Variants in LRP2 observed in about 807,000 individuals in gnomAD.
LRP2 encodes the protein low-density lipoprotein receptor-related protein 2.
LRP2 carries 172 observed loss-of-function variants against 531.0 expected under a neutral mutation model. The ratio of observed to expected loss-of-function variants is 0.32; its 90% CI spans 0.29 to 0.37. The LOEUF is 0.37. Ranked by LOEUF, LRP2 falls within the 10% of genes least tolerant of loss-of-function variation. The pLI, the probability that LRP2 is intolerant of heterozygous loss-of-function variation, is 1.00. For missense variants in LRP2, 5,167 were observed against 5,868.3 expected, an observed-to-expected ratio of 0.88 and a Z score of 3.90; for synonymous variants, 1,992 against 2,027.6, an observed-to-expected ratio of 0.98 and a Z score of 0.47.
Position 169,266,078 on chromosome 2 carries a change from T to C in LRP2, c.2320+4826A>G, listed in dbSNP as rs547424482. ...AAGAAATGTCATCCTAGAATACTAATTGGCTGAGCAGTGAACAATATTTAT... is the reference window on the plus strand; with the variant it reads ...AAGAAATGTCATCCTAGAATACTAACTGGCTGAGCAGTGAACAATATTTAT... On this transcript the variant is annotated intron_variant, in intron 16 of 78. Transcript: ENST00000649046. Among the ~76,000 whole-genome samples the C allele has an allele frequency of 3.9e-5, 6 of 152,144 alleles. No homozygotes were observed. The South Asian group carries it at 1.2e-3, about 32-fold the overall frequency.
At chr2:169,197,421 T>C (rs1688042758) in intron 45 of LRP2, among the ~76,000 whole-genome samples, 1 of 152,180 alleles carries the variant, frequency 6.6e-6, no homozygotes. Flanking sequence ...TGTGATCATA[T>C]CTAAGCTCGC....
At chr2:169,344,825 G>T (rs759086280) in intron 1 of LRP2, among the ~76,000 whole-genome samples, 1 of 152,132 alleles carries the variant, frequency 6.6e-6, no homozygotes, top group Admixed American at 6.5e-5. Context: ...AGGAGCAAAG[G>T]TGTCCTTAAG....
At chr2:169,326,680 G>T (rs1199635804) in intron 1 of LRP2, among the ~76,000 whole-genome samples, 5 of 149,072 alleles carry the variant, frequency 3.4e-5, no homozygotes, top group African/African-American at 1.2e-4. Context: ...GCCGCCCATC[G>T]TCTGGGACGT....
At chr2:169,309,176 C>G (rs1684517644) in intron 3 of LRP2, among the ~76,000 whole-genome samples, 1 of 152,112 alleles carries the variant, frequency 6.6e-6, no homozygotes, top group South Asian at 2.1e-4. Flanking sequence ...TATAGGTTGC[C>G]TGTTCACTCT....
intron 31 of LRP2, among the ~76,000 whole-genome samples, chr2:169,231,449 TCTAA>T (rs1271058902): frequency 5.9e-5 from 9 of 152,196 alleles, no homozygotes; most frequent in Admixed American, 1.3e-4. Flanking sequence ...GTCAGAGAAG[TCTAA>T]CTGTACCCAG....
chr2:169,297,124 C>T (rs1174531974), intron 4 of LRP2, among the ~76,000 whole-genome samples: 1 of 152,052 alleles, frequency 6.6e-6, no homozygotes, highest in East Asian at 1.9e-4. Flanking sequence ...ATGGTTTTCC[C>T]TCTTTGGAGA....
chr2:169,360,067 G>A (rs572604859), intron 1 of LRP2, among the ~76,000 whole-genome samples: 5 of 148,806 alleles, frequency 3.4e-5, no homozygotes, highest in Non-Finnish European at 7.4e-5. Context: ...AGAGGTTGCA[G>A]TGAGCCGAGA....
chr2:169,342,183 T>C (rs1685581079), intron 1 of LRP2, among the ~76,000 whole-genome samples: 1 of 151,248 alleles, frequency 6.6e-6, no homozygotes, highest in African/African-American at 2.4e-5. Flanking sequence ...TGGAAATTTT[T>C]CAGGCAGGAA....
chr2:169,289,109 T>C lies in LRP2; in HGVS notation c.959A>G (p.Gln320Arg), dbSNP rs1308140962. The C allele has an allele frequency of 4.3e-6, 7 of 1,614,048 alleles. No homozygotes were observed. Among genetic ancestry groups the C allele is most frequent in the Non-Finnish European group, 5.9e-6 (7 of 1,180,008 alleles). Residue 320 changes from glutamine to arginine, a missense_variant, in exon 9 of 79, where the codon CAG becomes CGG. Physicochemically the swap from Gln to Arg is conservative, Grantham distance 43. Transcript: ENST00000649046. Reference protein sequence around the residue: ...TLCSALNCQYQCHETPYGGAC... With the variant: ...TLCSALNCQYRCHETPYGGAC... ...TCCTCCATACGGCGTCTCATGGCAC[T>C]GGTACTGGCAGTTCAAGGCAGAGCA...
chr2:169,248,247 CAT>C (rs150659104), intron 19 of LRP2, among the ~76,000 whole-genome samples: 1,705 of 152,234 alleles, frequency 0.011, 32 homozygotes, highest in African/African-American at 0.038. Flanking sequence ...GGAAAATAAA[CAT>C]ATATTTTTAA....
At chr2:169,251,596 C>T (rs1288978161) in intron 19 of LRP2, among the ~76,000 whole-genome samples, 1 of 39,802 alleles carries the variant, frequency 2.5e-5, no homozygotes, top group East Asian at 6.9e-4. Context: ...AAAGCAAGAG[C>T]AAACACATTC....
At chr2:169,263,931 T>C (rs1433382096) in intron 16 of LRP2, among the ~76,000 whole-genome samples, 2 of 152,010 alleles carry the variant, frequency 1.3e-5, no homozygotes, top group Non-Finnish European at 2.9e-5. Context: ...AAATGATGAG[T>C]TCATGTCCTT....
chr2:169,303,232 T>C (rs1207764535), intron 4 of LRP2, among the ~76,000 whole-genome samples: 1 of 152,144 alleles, frequency 6.6e-6, no homozygotes. Context: ...CAATAATATG[T>C]AAAAATAATA....
At chr2:169,214,016 T>G in intron 35 of LRP2, 146 bp from the exon 36 acceptor site, 1 of 674,998 alleles carries the variant, frequency 1.5e-6, no homozygotes, top group Non-Finnish European at 2.6e-6. Context: ...TTTTCTGATT[T>G]GATCATCACA....
chr2:169,135,807 CA>C (rs1320677479), intron 76 of LRP2, among the ~76,000 whole-genome samples: 11 of 152,102 alleles, frequency 7.2e-5, no homozygotes, highest in Non-Finnish European at 1.3e-4. Flanking sequence ...GACTGCACCC[CA>C]AAAAACTTGT....
chr2:169,168,018 A>AATATATAT (rs4001548), intron 61 of LRP2, among the ~76,000 whole-genome samples: 1,786 of 68,138 alleles, frequency 0.026, 150 homozygotes, highest in South Asian at 0.082. Flanking sequence ...CAGGGTTTAA[A>AATATATAT]ATATATATAT....
intron 16 of LRP2, among the ~76,000 whole-genome samples, chr2:169,270,059 C>A (rs1294777067): frequency 1.3e-5 from 2 of 152,076 alleles, no homozygotes; most frequent in African/African-American, 4.8e-5. Flanking sequence ...CAATGAGATA[C>A]CATCTCACAC....
chr2:169,155,244 A>G (rs1686288530), intron 65 of LRP2, among the ~76,000 whole-genome samples: 1 of 152,222 alleles, frequency 6.6e-6, no homozygotes, highest in African/African-American at 2.4e-5. Context: ...AATTTAAGTA[A>G]CTTTTAAAAG....
intron 1 of LRP2, among the ~76,000 whole-genome samples, chr2:169,361,379 T>TCC (rs1686154816): frequency 7.0e-6 from 1 of 143,154 alleles, no homozygotes; most frequent in Non-Finnish European, 1.5e-5. Flanking sequence ...TCTCTCTCCC[T>TCC]CTCTCTCTCT....
Sources: gnomAD v4.1 joint callset for allele counts (sites outside exome capture counted in the v4.1 genomes callset) on GRCh38, gnomAD v4.1.1 for gene constraint, MANE v1.5 for transcripts, NCBI Gene and HGNC (gene_info 2026-07-23, HGNC 2026-07-21) for gene names.